The following SLC35F3 variants were observed in gnomAD, a reference collection of about 807,000 sequenced individuals.
SLC35F3 encodes the protein solute carrier family 35 member F3.
SLC35F3 carries 25 observed loss-of-function variants against 49.9 expected under a neutral mutation model. That is an observed-to-expected ratio of 0.50 (90% CI 0.37 to 0.70). SLC35F3 has a LOEUF of 0.70. Among genes scored for constraint, SLC35F3 ranks in the 30% least tolerant of loss-of-function variants. The pLI, the probability that SLC35F3 is intolerant of heterozygous loss-of-function variation, is 0.00. For synonymous variants in SLC35F3, 275 were observed against 265.4 expected, an observed-to-expected ratio of 1.04 and a Z score of -0.35; for missense variants, 525 against 639.8, an observed-to-expected ratio of 0.82 and a Z score of 1.94.
chr1:234,108,254 TA>T (rs1455077486), intron 2 of SLC35F3, among the ~76,000 whole-genome samples: 2 of 82,458 alleles, frequency 2.4e-5, no homozygotes, highest in African/African-American at 1.0e-4. Context: ...AAAAGATATA[TA>T]TATTTATATA....
At position 233,911,337 on chromosome 1, in the gene SLC35F3, T is replaced by C. The variant is rs75718960; in HGVS notation, c.283+5579T>C. Among the ~76,000 whole-genome samples the C allele has an allele frequency of 5.7e-3, 870 of 152,266 alleles. 8 individuals are homozygous for C. The highest frequency in any genetic ancestry group is 0.02 in the African/African-American group (843 of 41,532). ...ACCCACTTGTAAGAGATGTATAATT[T>C]GGTTGTAAAAGTTTATTCTAGAATG... On this transcript the variant is annotated intron_variant, in intron 2 of 7. Coordinates refer to ENST00000366618, the MANE Select transcript of SLC35F3 (RefSeq NM_173508.4).
At chr1:234,155,436 G>T (rs937800855) in intron 2 of SLC35F3, among the ~76,000 whole-genome samples, 1 of 144,584 alleles carries the variant, frequency 6.9e-6, no homozygotes, top group Non-Finnish European at 1.5e-5. Context: ...GAGAGACAAA[G>T]TCTTACTGTT....
intron 2 of SLC35F3, among the ~76,000 whole-genome samples, chr1:233,987,606 G>T (rs1390106878): frequency 6.6e-6 from 1 of 151,956 alleles, no homozygotes. Context: ...ACTTGACCTT[G>T]TGACTTTTAA....
intron 2 of SLC35F3, among the ~76,000 whole-genome samples, chr1:234,113,140 G>A (rs1665433816): frequency 6.6e-6 from 1 of 152,178 alleles, no homozygotes; most frequent in South Asian, 2.1e-4. Context: ...TAAAGTTTCT[G>A]ACATAATCAA....
intron 2 of SLC35F3, among the ~76,000 whole-genome samples, 169 bp downstream of exon 2, chr1:233,905,927 C>A (rs1661769328): frequency 6.6e-6 from 1 of 152,262 alleles, no homozygotes; most frequent in Non-Finnish European, 1.5e-5. Context: ...AGACGGAGTT[C>A]TCCTGGACCT....
chr1:234,269,850 C>T (rs1402351085), intron 3 of SLC35F3, among the ~76,000 whole-genome samples: 1 of 152,176 alleles, frequency 6.6e-6, no homozygotes, highest in Non-Finnish European at 1.5e-5. Context: ...CTTCCCCTCT[C>T]ACCACGTGAT....
chr1:234,165,405 A>T (rs1045040109), intron 2 of SLC35F3, among the ~76,000 whole-genome samples: 1 of 152,170 alleles, frequency 6.6e-6, no homozygotes, highest in African/African-American at 2.4e-5. Context: ...CAAAAATCAA[A>T]TTTTTTGTAG....
chr1:234,282,532 C>T (rs1403489848), intron 3 of SLC35F3, among the ~76,000 whole-genome samples: 1 of 152,234 alleles, frequency 6.6e-6, no homozygotes, highest in Non-Finnish European at 1.5e-5. Flanking sequence ...TGGGGAGGGC[C>T]TTACCCATGT....
chr1:233,919,536 AT>A (rs1365762408), intron 2 of SLC35F3, among the ~76,000 whole-genome samples: 1 of 152,228 alleles, frequency 6.6e-6, no homozygotes, highest in Admixed American at 6.5e-5. Flanking sequence ...AAATAAACAT[AT>A]GTCCCGATTT....
intron 2 of SLC35F3, among the ~76,000 whole-genome samples, chr1:233,921,506 A>T (rs923076102): frequency 6.6e-6 from 1 of 152,202 alleles, no homozygotes; most frequent in Non-Finnish European, 1.5e-5. Context: ...CATAACGAAT[A>T]GTTTCACTGC....
chr1:233,953,810 G>A (rs1305214137), intron 2 of SLC35F3, among the ~76,000 whole-genome samples: 1 of 152,162 alleles, frequency 6.6e-6, no homozygotes, highest in Non-Finnish European at 1.5e-5. Flanking sequence ...ACCTGGGTAA[G>A]TCAAAGAGGC....
chr1:233,907,905 T>C (rs2102780156), intron 2 of SLC35F3, among the ~76,000 whole-genome samples: 1 of 152,282 alleles, frequency 6.6e-6, no homozygotes, highest in South Asian at 2.1e-4. Flanking sequence ...TTTGTATTTT[T>C]AGTAGAGATG....
intron 2 of SLC35F3, among the ~76,000 whole-genome samples, chr1:233,945,691 C>A (rs1250702566): frequency 2.0e-5 from 3 of 152,162 alleles, no homozygotes; most frequent in Non-Finnish European, 4.4e-5. Context: ...CGGTTTCCCC[C>A]ATACTGTTCT....
intron 2 of SLC35F3, among the ~76,000 whole-genome samples, chr1:234,187,332 A>G (rs1031752624): frequency 6.6e-6 from 1 of 152,144 alleles, no homozygotes; most frequent in African/African-American, 2.4e-5. Context: ...TCAAATGGGG[A>G]AGAAGAGAGG....
At chr1:234,010,775 A>G (rs892586274) in intron 2 of SLC35F3, among the ~76,000 whole-genome samples, 7 of 152,184 alleles carry the variant, frequency 4.6e-5, no homozygotes, top group African/African-American at 1.7e-4. Context: ...AGGGATGGAA[A>G]GAGATGGAAA....
At chr1:233,914,004 G>A (rs556299510) in intron 2 of SLC35F3, among the ~76,000 whole-genome samples, 3 of 152,252 alleles carry the variant, frequency 2.0e-5, no homozygotes, top group Non-Finnish European at 2.9e-5. Context: ...AGGGAAGAAC[G>A]TGACATGTCT....
At chr1:234,118,418 G>C (rs1342444714) in intron 2 of SLC35F3, among the ~76,000 whole-genome samples, 1 of 152,132 alleles carries the variant, frequency 6.6e-6, no homozygotes, top group Non-Finnish European at 1.5e-5. Context: ...TCAAATTCAG[G>C]GGTCAGCAAA....
rs1387590846 is a variant in SLC35F3 at position 234,231,911 on chromosome 1, C to T, written c.608+170C>T. On this transcript the variant is annotated intron_variant, in intron 3 of 7. Transcript: ENST00000366618. The surrounding 1 kb of genome is among the most constrained non-coding windows in gnomAD (Gnocchi z 5.4). ...AGTGGGGTCGGGAGCAGAATTCTGT[C>T]TACCCTGGGTAGTGAACGCCTCCTT... Among the ~76,000 whole-genome samples the T allele has an allele frequency of 6.6e-6, 1 of 152,156 alleles. No individual in the cohort carries two copies. Among genetic ancestry groups the T allele is most frequent in the Non-Finnish European group, 1.5e-5 (1 of 68,034 alleles).
At chr1:234,123,954 A>G (rs1398772540) in intron 2 of SLC35F3, among the ~76,000 whole-genome samples, 1 of 152,212 alleles carries the variant, frequency 6.6e-6, no homozygotes, top group Non-Finnish European at 1.5e-5. Context: ...TAGCCAAGCA[A>G]CCAGCTCAGT....
Sources: allele counts gnomAD v4.1 joint callset (sites outside exome capture counted in the v4.1 genomes callset), GRCh38; gene constraint gnomAD v4.1.1; non-coding constraint Gnocchi (gnomAD v3.1); transcripts MANE v1.5; gene names NCBI Gene and HGNC (gene_info 2026-07-23, HGNC 2026-07-21).